The following AP4S1 variants were observed in gnomAD, a reference collection of about 807,000 sequenced individuals.
The protein encoded by AP4S1 is adaptor related protein complex 4 subunit sigma 1.
A neutral mutation model predicts 19.8 loss-of-function variants in AP4S1; 23 were observed. The observed-to-expected ratio is 1.16, with a 90% CI of 0.84 to 1.65. The LOEUF (loss-of-function observed/expected upper bound fraction) is 1.65, where lower values mean the gene tolerates loss of function less well. AP4S1 is among the 40% of genes most tolerant of loss of function. The probability of loss-of-function intolerance (pLI) is 0.00; values close to 1 mark genes in which losing one functional copy is unlikely to be tolerated. For synonymous variants in AP4S1, 46 were observed against 54.1 expected (o/e 0.85, Z 0.66); for missense variants, 166 against 172.8 (o/e 0.96, Z 0.22).
intron 1 of AP4S1, among the ~76,000 whole-genome samples, chr14:31,034,314 C>G (rs1884588536): frequency 1.3e-5 from 2 of 152,110 alleles, no homozygotes; most frequent in South Asian, 4.1e-4. Flanking sequence ...AAGTACATGA[C>G]AATTATCTTA....
At chr14:31,071,261 A>G (rs1886982905) in intron 3 of AP4S1, among the ~76,000 whole-genome samples, 2 of 152,172 alleles carry the variant, frequency 1.3e-5, no homozygotes, top group African/African-American at 4.8e-5. Flanking sequence ...CAAACTTTGA[A>G]GTGGTTTTCC....
Position 31,093,243 on chromosome 14 carries a change from A to C in AP4S1, c.*208A>C, listed in dbSNP as rs989663983. 9.6e-6 allele frequency: 4 copies of C among 418,294 alleles called. No individual in the cohort carries two copies. The highest frequency in any genetic ancestry group is 1.6e-5 in the Non-Finnish European group (4 of 244,102). 25.9% of individuals were successfully genotyped at this position (418,294 alleles called of 1,614,324 possible). A position where few individuals can be genotyped will look rare whatever the true frequency, so the allele number is the denominator to read the frequency against. On this transcript the variant is annotated 3_prime_UTR_variant, in exon 6 of 6. Transcript: ENST00000542754. ...TATGTACAAAGAAAAAAATTTCTTT[A>C]AACTGAGAGAGAAGTTTTATTTTCT...
intron 1 of AP4S1, among the ~76,000 whole-genome samples, chr14:31,046,246 C>T (rs907009312): frequency 1.9e-4 from 29 of 152,084 alleles, no homozygotes; most frequent in Admixed American, 1.6e-3. Flanking sequence ...CATGAGCCTC[C>T]ACACCCAGCC....
At position 31,093,013 on chromosome 14, in the gene AP4S1, T is replaced by C; in HGVS notation, c.413T>C (p.Leu138Pro). ...AGAATTCTTGCCCCTCTACTAATTC[T>C]TGATAAGATGTCAGAAAGCTGAAAG... is the stretch of plus-strand genomic sequence containing the variant. Reference protein sequence around the residue: ...RARILAPLLILDKMSES With the variant: ...RARILAPLLIPDKMSES The change falls in exon 6 of 6, where the codon CTT becomes CCT. Residue 138 changes from leucine (L) to proline (P), a missense_variant. Transcript: ENST00000542754. 1 of 1,548,406 alleles carries C rather than the reference T, an allele frequency of 6.5e-7. No homozygotes were observed. The highest frequency in any genetic ancestry group is 2.4e-5 in the East Asian group (1 of 40,838).
At chr14:31,035,812 T>C (rs373736988) in intron 1 of AP4S1, among the ~76,000 whole-genome samples, 5 of 150,582 alleles carry the variant, frequency 3.3e-5, no homozygotes, top group Admixed American at 6.7e-5. Context: ...TCACTGCAAC[T>C]TCCGCCTCCT....
intron 1 of AP4S1, among the ~76,000 whole-genome samples, chr14:31,033,949 A>AT (rs1321593758): frequency 6.6e-6 from 1 of 152,220 alleles, no homozygotes; most frequent in Non-Finnish European, 1.5e-5. Flanking sequence ...AGATGTCAAA[A>AT]TTGAAAAGAA....
chr14:31,077,241 C>T (rs946529226), intron 4 of AP4S1, among the ~76,000 whole-genome samples: 20 of 152,278 alleles, frequency 1.3e-4, no homozygotes, highest in South Asian at 8.3e-4. Context: ...CCAGCCAGCA[C>T]AAGCTTATTT....
intron 5 of AP4S1, chr14:31,084,653 G>A (rs2139114882): frequency 1.3e-6 from 2 of 1,532,158 alleles, no homozygotes; most frequent in South Asian, 2.3e-5. Flanking sequence ...CCGCCCGGCT[G>A]AAGTGAGGCC....
At chr14:31,044,227 T>TATGAC (rs1566516854) in intron 1 of AP4S1, among the ~76,000 whole-genome samples, 1 of 152,222 alleles carries the variant, frequency 6.6e-6, no homozygotes, top group South Asian at 2.1e-4. Flanking sequence ...TGCACTTTAC[T>TATGAC]ATAACCCTTC....
At chr14:31,049,439 A>G (rs1885635096) in intron 1 of AP4S1, among the ~76,000 whole-genome samples, 1 of 37,156 alleles carries the variant, frequency 2.7e-5, no homozygotes, top group Non-Finnish European at 4.4e-5. Flanking sequence ...ATATATATAT[A>G]TATATATATA....
At chr14:31,035,343 C>A (rs185184321) in intron 1 of AP4S1, among the ~76,000 whole-genome samples, 3 of 150,916 alleles carry the variant, frequency 2.0e-5, no homozygotes, top group African/African-American at 7.3e-5. Context: ...TACAAGCACA[C>A]GCCGCCACAC....
chr14:31,080,039 A>C (rs2139096260), intron 4 of AP4S1, among the ~76,000 whole-genome samples: 1 of 152,274 alleles, frequency 6.6e-6, no homozygotes, highest in Non-Finnish European at 1.5e-5. Flanking sequence ...TTTTTTAACA[A>C]TATGTGAGTA....
intron 5 of AP4S1, chr14:31,083,764 C>G (rs1168123195): frequency 3.0e-6 from 1 of 335,920 alleles, no homozygotes; most frequent in Admixed American, 3.9e-5. Flanking sequence ...CCTGCCTTGG[C>G]CTCCCAAAGT....
Position 31,069,842 on chromosome 14 carries a change from G to A in AP4S1, c.139-1G>A. 3 of 1,608,230 alleles carry A rather than the reference G, an allele frequency of 1.9e-6. No individual in the cohort carries two copies. The highest frequency in any genetic ancestry group is 8.5e-7 in the Non-Finnish European group (1 of 1,174,744). On this transcript the variant is annotated splice_acceptor_variant, in intron 2 of 5. Coordinates refer to ENST00000542754, the MANE Select transcript of AP4S1 (RefSeq NM_001128126.3). LOFTEE classifies it high-confidence loss of function. ...TTAATATCTCATTGTGTTTTGTCTA[G>A]TGCTCTTTCATTGAATATAAGGATT...
At chr14:31,039,299 C>T (rs952040740) in intron 1 of AP4S1, among the ~76,000 whole-genome samples, 3 of 151,804 alleles carry the variant, frequency 2.0e-5, no homozygotes, top group African/African-American at 7.3e-5. Context: ...AATTCTCCTG[C>T]CTCAGCCTCC....
intron 5 of AP4S1, among the ~76,000 whole-genome samples, chr14:31,091,648 C>T (rs74042130): frequency 6.6e-6 from 1 of 151,210 alleles, no homozygotes; most frequent in Non-Finnish European, 1.5e-5. Context: ...CTAATAAAAA[C>T]TTTAAAGTCA....
intron 1 of AP4S1, among the ~76,000 whole-genome samples, chr14:31,055,683 C>T (rs1202193733): frequency 6.6e-6 from 1 of 150,974 alleles, no homozygotes; most frequent in East Asian, 1.9e-4. Context: ...AATCACTTTT[C>T]AGGAGGCAAA....
At chr14:31,089,723 C>T (rs1310171311) in intron 5 of AP4S1, among the ~76,000 whole-genome samples, 1 of 152,152 alleles carries the variant, frequency 6.6e-6, no homozygotes, top group Non-Finnish European at 1.5e-5. Context: ...TAGAGACCAG[C>T]CTGGCCAACA....
At position 31,030,993 on chromosome 14, in the gene AP4S1, C is replaced by T. The variant is rs570133991; in HGVS notation, c.-72+5206C>T. ...CAAATCTCATCTCCAATTGTAATCCCCACGTGTCAAGGGAGGGAGGTTATT... is the reference window on the plus strand; with the variant it reads ...CAAATCTCATCTCCAATTGTAATCCTCACGTGTCAAGGGAGGGAGGTTATT... On this transcript the variant is annotated intron_variant, in intron 1 of 5. Coordinates refer to ENST00000542754, the MANE Select transcript of AP4S1 (RefSeq NM_001128126.3). Among the ~76,000 whole-genome samples, 6 of 152,198 alleles carry T rather than the reference C, an allele frequency of 3.9e-5. No individual in the cohort carries two copies. The East Asian group carries it at 1.2e-3, about 29-fold the overall frequency.
Sources: allele counts gnomAD v4.1 joint callset (sites outside exome capture counted in the v4.1 genomes callset), GRCh38; gene constraint gnomAD v4.1.1; transcripts MANE v1.5; gene names NCBI Gene and HGNC (gene_info 2026-07-23, HGNC 2026-07-21).